The following SLC14A2 variants were observed in gnomAD, a reference collection of about 807,000 sequenced individuals.
SLC14A2 encodes solute carrier family 14 member 2.
In SLC14A2, 91 loss-of-function variants were observed where a neutral mutation model predicts 104.6. That is an observed-to-expected ratio of 0.87 (90% CI 0.73 to 1.04). The LOEUF (loss-of-function observed/expected upper bound fraction) is 1.04. SLC14A2 is among the 50% of genes least tolerant of loss of function. The pLI is 0.00. For missense variants in SLC14A2, 1,189 were observed against 1,156.0 expected (o/e 1.03, Z -0.41); for synonymous variants, 476 against 466.4 (o/e 1.02, Z -0.27).
At chr18:45,538,316 AC>A (rs918363538) in intron 2 of SLC14A2, among the ~76,000 whole-genome samples, 1 of 152,142 alleles carries the variant, frequency 6.6e-6, no homozygotes, top group African/African-American at 2.4e-5. Flanking sequence ...TCATTTCCAA[AC>A]CCACTACATT....
intron 1 of SLC14A2, among the ~76,000 whole-genome samples, chr18:45,295,273 A>G (rs911080294): frequency 6.6e-6 from 1 of 151,974 alleles, no homozygotes; most frequent in Non-Finnish European, 1.5e-5. Context: ...GCATCCCCTT[A>G]ACATGTAATT....
intron 1 of SLC14A2, among the ~76,000 whole-genome samples, chr18:45,215,085 G>T (rs753815892): frequency 1.3e-5 from 2 of 152,068 alleles, no homozygotes; most frequent in Non-Finnish European, 2.9e-5. Context: ...AATTTGAAAG[G>T]CTTCTTAAAA....
chr18:45,198,173 A>G, the SLC14A2 span, among the ~76,000 whole-genome samples: 1 of 152,156 alleles, frequency 6.6e-6, no homozygotes, highest in East Asian at 1.9e-4. Flanking sequence ...AATCCTGTCC[A>G]AATATATTTT....
At chr18:45,185,739 T>G in the SLC14A2 span, among the ~76,000 whole-genome samples, 1 of 151,958 alleles carries the variant, frequency 6.6e-6, no homozygotes, top group African/African-American at 2.4e-5. Flanking sequence ...TAAAAAAAAA[T>G]CTAATGAAAT....
At chr18:45,364,626 G>A (rs1486147100) in intron 1 of SLC14A2, among the ~76,000 whole-genome samples, 1 of 152,170 alleles carries the variant, frequency 6.6e-6, no homozygotes, top group Admixed American at 6.5e-5. Context: ...AGAGAAAACA[G>A]TTTTCTTCTG....
chr18:45,508,476 C>A (rs2043317630), intron 2 of SLC14A2, among the ~76,000 whole-genome samples: 1 of 152,224 alleles, frequency 6.6e-6, no homozygotes, highest in Non-Finnish European at 1.5e-5. Context: ...GTGACATGTG[C>A]CTTTCACCTT....
chr18:45,190,243 T>G, the SLC14A2 span, among the ~76,000 whole-genome samples: 25 of 152,332 alleles, frequency 1.6e-4, no homozygotes, highest in Non-Finnish European at 2.6e-4. Context: ...CTCTACAATC[T>G]CTTCCTTTAG....
chr18:45,214,823 ATC>A (rs1292250919), intron 1 of SLC14A2, among the ~76,000 whole-genome samples: 2 of 150,852 alleles, frequency 1.3e-5, no homozygotes, highest in East Asian at 3.9e-4. Context: ...CGGTCTGTGG[ATC>A]AGGCTCCAGA....
At chr18:45,475,619 G>GATATATATATATAT (rs200761666) in intron 1 of SLC14A2, among the ~76,000 whole-genome samples, 1 of 68,276 alleles carries the variant, frequency 1.5e-5, no homozygotes, top group Admixed American at 1.8e-4. Flanking sequence ...ATATATTTAG[G>GATATATATATATAT]ATATATATAT....
the SLC14A2 span, among the ~76,000 whole-genome samples, chr18:45,181,564 T>C: frequency 1.1e-4 from 16 of 152,194 alleles, no homozygotes; most frequent in Non-Finnish European, 2.1e-4. Flanking sequence ...TATCAGGCTC[T>C]TGGTTTATAA....
intron 1 of SLC14A2, among the ~76,000 whole-genome samples, chr18:45,296,914 T>C (rs1386281931): frequency 1.3e-5 from 2 of 152,236 alleles, no homozygotes; most frequent in Admixed American, 1.3e-4. Context: ...GTTTCCTTTA[T>C]GCCTCTTTGA....
At chr18:45,384,701 C>A (rs1008573003) in intron 1 of SLC14A2, among the ~76,000 whole-genome samples, 2 of 152,062 alleles carry the variant, frequency 1.3e-5, no homozygotes, top group Admixed American at 1.3e-4. Flanking sequence ...CCTCGCATTG[C>A]CCCCACAGTG....
the SLC14A2 span, among the ~76,000 whole-genome samples, chr18:45,171,795 G>C: frequency 6.6e-6 from 1 of 152,058 alleles, no homozygotes; most frequent in African/African-American, 2.4e-5. Flanking sequence ...GGACCTGGTG[G>C]TGAAAGCTAA....
chr18:45,258,666 A>G (rs1213159558), intron 1 of SLC14A2, among the ~76,000 whole-genome samples: 1 of 143,194 alleles, frequency 7.0e-6, no homozygotes, highest in Non-Finnish European at 1.5e-5. Flanking sequence ...TTTAATAATC[A>G]TCCTTTTATT....
intron 2 of SLC14A2, among the ~76,000 whole-genome samples, chr18:45,583,190 A>G (rs1488463082): frequency 2.6e-5 from 4 of 152,246 alleles, no homozygotes; most frequent in Non-Finnish European, 5.9e-5. Flanking sequence ...ATCATTTAAC[A>G]GGATGCCCTA....
In SLC14A2 at chr18:45,643,156, C is replaced by G. The variant is rs368998550; in HGVS notation, c.1151C>G (p.Ala384Gly). 1 of 1,614,046 alleles carries G rather than the reference C, an allele frequency of 6.2e-7. No individual in the cohort carries two copies. The highest frequency in any genetic ancestry group is 8.5e-7 in the Non-Finnish European group (1 of 1,179,974). The change falls in exon 9 of 20, where the codon GCA becomes GGA. Residue 384 changes from alanine to glycine, a missense_variant. By Grantham distance (60) the Ala-to-Gly change is moderately conservative (BLOSUM62 0). Coordinates refer to ENST00000255226, the MANE Select transcript of SLC14A2 (RefSeq NM_007163.4). ...GCCCTGTTCTGTGCATACATGGAAG[C>G]AGCCATCTCCAACATCATGTCAGTG... is the stretch of plus-strand genomic sequence containing the variant. ...ICALFCAYME[A>G]AISNIMSVVG...
intron 2 of SLC14A2, among the ~76,000 whole-genome samples, chr18:45,511,119 C>G (rs374015897): frequency 1.3e-5 from 2 of 152,022 alleles, no homozygotes; most frequent in East Asian, 1.9e-4. Context: ...TTTTTCCCAG[C>G]CTTCTGCAAG....
intron 1 of SLC14A2, among the ~76,000 whole-genome samples, chr18:45,291,743 CT>C (rs1478208727): frequency 6.6e-6 from 1 of 151,990 alleles, no homozygotes; most frequent in Non-Finnish European, 1.5e-5. Context: ...TGAATCCCCC[CT>C]CAGCACATTT....
intron 1 of SLC14A2, among the ~76,000 whole-genome samples, chr18:45,400,176 A>G (rs1047100985): frequency 1.3e-5 from 2 of 152,190 alleles, no homozygotes; most frequent in African/African-American, 4.8e-5. Context: ...TAAATGCTCC[A>G]TTGATGTTTT....
Sources: gnomAD v4.1 joint callset for allele counts (sites outside exome capture counted in the v4.1 genomes callset) on GRCh38, gnomAD v4.1.1 for gene constraint, MANE v1.5 for transcripts, NCBI Gene and HGNC (gene_info 2026-07-23, HGNC 2026-07-21) for gene names.